The following TLDC2 variants were observed in gnomAD, a reference collection of about 807,000 sequenced individuals.
TLDC2 encodes the protein TBC/LysM-associated domain containing 2.
TLDC2 carries 23 observed loss-of-function variants against 27.9 expected under a neutral mutation model. That is an observed-to-expected ratio of 0.82 (90% confidence interval 0.59 to 1.17). The LOEUF is 1.17. TLDC2 is among the 50% of genes most tolerant of loss of function. The pLI is 0.00. For missense variants in TLDC2, 286 were observed against 273.4 expected (o/e 1.05, Z -0.32); for synonymous variants, 124 against 107.4 (o/e 1.16, Z -0.96).
intron 3 of TLDC2, among the ~76,000 whole-genome samples, chr20:36,879,580 C>A (rs1989754825): frequency 6.6e-6 from 1 of 152,070 alleles, no homozygotes; most frequent in Non-Finnish European, 1.5e-5. Context: ...GTGGCTCACA[C>A]CTGTAATCCT....
chr20:36,884,873 T>C, intron 4 of TLDC2, among the ~76,000 whole-genome samples: 1 of 107,626 alleles, frequency 9.3e-6, no homozygotes, highest in East Asian at 2.3e-4. Context: ...AACACAGAAA[T>C]TCTTTTTTTT....
rs1313286304 is a variant in TLDC2 at position 36,889,327 on chromosome 20, G to T, written c.589G>T (p.Val197Leu). The change falls in exon 6 of 7, where the codon GTG (valine) becomes TTG (leucine). Residue 197 changes from valine to leucine, a missense_variant. Transcript: ENST00000217320. ...SSPCPTFNNE[V>L]LARQEQFCIQ... is the part of the protein sequence containing the mutation. The stretch of plus-strand genomic sequence containing the variant: ...CCCTTGCCCGACCTTCAACAACGAG[G>T]TGCTGGCCCGGCAGGAGCAGTTCTG... 1 of 1,614,080 alleles carries T rather than the reference G, an allele frequency of 6.2e-7. No homozygotes were observed. The highest frequency in any genetic ancestry group is 8.5e-7 in the Non-Finnish European group (1 of 1,180,046).
rs1183186998 is a variant in TLDC2, at chr20:36,879,103, A to T, written c.252A>T (p.Ser84=). ...GHPWSLVFCT[S]RDGFSLQSLY... ...CCTGGAGTCTGGTCTTCTGCACGTC[A>T]AGGGACGGTTTCAGCCTGCAGAGCC... The change falls in exon 3 of 7, where the codon TCA becomes TCT. Residue 84 remains serine, a synonymous_variant. Coordinates refer to ENST00000217320, the MANE Select transcript of TLDC2 (RefSeq NM_080628.3). 1.9e-6 allele frequency: 3 copies of T among 1,614,050 alleles called. No homozygotes were observed.
intron 6 of TLDC2, chr20:36,889,833 A>T (rs912507801): frequency 6.5e-6 from 1 of 153,430 alleles, no homozygotes; most frequent in East Asian, 1.9e-4. Flanking sequence ...CGTTAAAAAA[A>T]TTAAAATTGC....
At chr20:36,877,332 C>T (rs1337022494) in intron 1 of TLDC2, among the ~76,000 whole-genome samples, 2 of 145,622 alleles carry the variant, frequency 1.4e-5, no homozygotes, top group African/African-American at 5.1e-5. Context: ...AGTGAGCTGA[C>T]ATTGCACCTC....
At chr20:36,887,601 G>A in intron 5 of TLDC2, 73 bp downstream of exon 5, 1 of 1,435,454 alleles carries the variant, frequency 7.0e-7, no homozygotes, top group Non-Finnish European at 9.8e-7. Flanking sequence ...GAACTGCTGG[G>A]CTAGGCTGCC....
At chr20:36,890,192 G>A (rs1009605000) in intron 6 of TLDC2, 2 of 152,166 alleles carry the variant, frequency 1.3e-5, no homozygotes, top group Non-Finnish European at 2.9e-5. Context: ...CAAAGAGGTC[G>A]AAACCTTTGT....
intron 4 of TLDC2, among the ~76,000 whole-genome samples, chr20:36,885,829 T>A (rs371837850): frequency 1.2e-4 from 19 of 152,240 alleles, no homozygotes; most frequent in African/African-American, 4.3e-4. Flanking sequence ...CACACGGAAC[T>A]TAACGTCCTT....
Position 36,876,331 on chromosome 20 carries a change from C to CT in TLDC2, c.33+124_33+125insT, listed in dbSNP as rs1484236999. 5 of 1,273,160 alleles carry CT rather than the reference C, an allele frequency of 3.9e-6. No homozygotes were observed. In the East Asian group the frequency reaches 1.2e-4, roughly 30 times the overall value. 78.9% of individuals were successfully genotyped at this position (1,273,160 alleles called of 1,614,324 possible). A position where few individuals can be genotyped will look rare whatever the true frequency, so the allele number is the denominator to read the frequency against. ...GACTTGTTCCCCTCTCAAGTCCCTC[C>CT]CTGGCAGGCCTGTGGTTTGGAGCAA... On this transcript the variant is annotated intron_variant, in intron 1 of 6. Coordinates refer to ENST00000217320, the MANE Select transcript of TLDC2 (RefSeq NM_080628.3).
chr20:36,882,187 T>C (rs995863890), intron 4 of TLDC2, among the ~76,000 whole-genome samples: 2 of 152,260 alleles, frequency 1.3e-5, no homozygotes, highest in Middle Eastern at 3.4e-3. Flanking sequence ...TCTGGGTTAT[T>C]TATTCACTAA....
rs751493859 is a variant in TLDC2 at position 36,879,116 on chromosome 20, A to C, written c.265A>C (p.Ser89Arg). Residue 89 changes from serine to arginine, a missense_variant, in exon 3 of 7, where the codon AGC becomes CGC. Coordinates refer to ENST00000217320, the MANE Select transcript of TLDC2 (RefSeq NM_080628.3). Reference protein sequence around the residue: ...LVFCTSRDGFSLQSLYRRMEG... With the variant: ...LVFCTSRDGFRLQSLYRRMEG... ...CTTCTGCACGTCAAGGGACGGTTTCAGCCTGCAGAGCCTGTACCGGCGGAT... is the reference window on the plus strand; with the variant it reads ...CTTCTGCACGTCAAGGGACGGTTTCCGCCTGCAGAGCCTGTACCGGCGGAT... The C allele has an allele frequency of 6.2e-7, 1 of 1,614,148 alleles. No individual in the cohort carries two copies. The highest frequency in any genetic ancestry group is 8.5e-7 in the Non-Finnish European group (1 of 1,180,030).
intron 3 of TLDC2, 143 bp downstream of exon 3, chr20:36,879,336 C>T (rs879943665): frequency 3.8e-5 from 42 of 1,104,832 alleles, no homozygotes; most frequent in Non-Finnish European, 4.8e-5. Flanking sequence ...GGCAATGAGA[C>T]CTGCCCACTC....
chr20:36,886,798 G>A (rs1989931269), intron 4 of TLDC2, among the ~76,000 whole-genome samples: 2 of 152,178 alleles, frequency 1.3e-5, no homozygotes, highest in South Asian at 4.1e-4. Context: ...GAGCCACTGC[G>A]CCAGTCCCAG....
chr20:36,887,600 G>C, intron 5 of TLDC2, 72 bp downstream of exon 5: 1 of 1,440,062 alleles, frequency 6.9e-7, no homozygotes, highest in East Asian at 2.3e-5. Context: ...CGAACTGCTG[G>C]GCTAGGCTGC....
chr20:36,887,670 C>T, intron 5 of TLDC2, 142 bp downstream of exon 5: 1 of 777,230 alleles, frequency 1.3e-6, no homozygotes, highest in East Asian at 2.6e-5. Flanking sequence ...ATTGCTCAGC[C>T]TCCCAGCCAA....
At chr20:36,877,670 G>T (rs1468111021) in intron 1 of TLDC2, among the ~76,000 whole-genome samples, 1 of 152,156 alleles carries the variant, frequency 6.6e-6, no homozygotes, top group Non-Finnish European at 1.5e-5. Flanking sequence ...GGGGTGGGGG[G>T]ACTGTGCTCC....
rs895851053 is a variant in TLDC2 at position 36,892,850 on chromosome 20, A to G, written c.*18-12A>G. 4.5e-6 allele frequency: 7 copies of G among 1,544,466 alleles called. No homozygotes were observed. Among genetic ancestry groups the G allele is most frequent in the Non-Finnish European group, 6.3e-6 (7 of 1,116,424 alleles). Reference sequence around the variant, plus strand: ...ATACAAAATTAAAGCATGAGTTGTCATTAATTTGCAGAATTCTATGATTGA... The same window carrying G: ...ATACAAAATTAAAGCATGAGTTGTCGTTAATTTGCAGAATTCTATGATTGA... On this transcript the variant is annotated splice_polypyrimidine_tract_variant and intron_variant, in intron 6 of 6. Coordinates refer to ENST00000217320, the MANE Select transcript of TLDC2 (RefSeq NM_080628.3).
intron 4 of TLDC2, among the ~76,000 whole-genome samples, chr20:36,884,875 C>CT (rs11480944): frequency 0.72 from 74,684 of 103,168 alleles, 29,754 homozygotes; most frequent in South Asian, 0.83. Flanking sequence ...CACAGAAATT[C>CT]TTTTTTTTTT....
intron 1 of TLDC2, among the ~76,000 whole-genome samples, chr20:36,876,681 T>G (rs1339903995): frequency 6.6e-6 from 1 of 150,960 alleles, no homozygotes; most frequent in East Asian, 1.9e-4. Flanking sequence ...ACTCACACAC[T>G]CAAACACACT....
Sources: allele counts gnomAD v4.1 joint callset (sites outside exome capture counted in the v4.1 genomes callset), GRCh38; gene constraint gnomAD v4.1.1; transcripts MANE v1.5; gene names NCBI Gene and HGNC (gene_info 2026-07-23, HGNC 2026-07-21).